The following GSK3B variants were observed in gnomAD, a reference collection of about 807,000 sequenced individuals.
GSK3B encodes glycogen synthase kinase-3 beta.
A neutral mutation model predicts 56.4 loss-of-function variants in GSK3B; 15 were observed. That is an observed-to-expected ratio of 0.27 (90% confidence interval 0.18 to 0.41). The LOEUF (loss-of-function observed/expected upper bound fraction) is 0.41, where lower values mean the gene tolerates loss of function less well. Ranked by LOEUF, GSK3B falls within the 10% of genes least tolerant of loss-of-function variation. GSK3B has a pLI of 1.00. For synonymous variants in GSK3B, 181 were observed against 188.9 expected, an observed-to-expected ratio of 0.96 and a Z score of 0.34; for missense variants, 300 against 513.4, an observed-to-expected ratio of 0.58 and a Z score of 4.02.
intron 1 of GSK3B, among the ~76,000 whole-genome samples, chr3:120,089,573 C>G (rs2058493862): frequency 6.6e-6 from 1 of 152,160 alleles, no homozygotes; most frequent in Non-Finnish European, 1.5e-5. Flanking sequence ...CTATTATTCT[C>G]TCTTTGCTAA....
intron 2 of GSK3B, among the ~76,000 whole-genome samples, chr3:119,958,699 A>G (rs1265508998): frequency 6.6e-6 from 1 of 152,224 alleles, no homozygotes; most frequent in African/African-American, 2.4e-5. Context: ...TGGAAGAAAA[A>G]AAAAGGATGG....
At chr3:120,029,537 G>C in intron 1 of GSK3B, 1 of 621,280 alleles carries the variant, frequency 1.6e-6, no homozygotes, top group Non-Finnish European at 3.1e-6. Flanking sequence ...CAGGAAGATA[G>C]GGACCATCAC....
intron 2 of GSK3B, among the ~76,000 whole-genome samples, chr3:119,952,303 C>T (rs1278423168): frequency 6.6e-6 from 1 of 151,908 alleles, no homozygotes; most frequent in African/African-American, 2.4e-5. Context: ...GCCTGGCCAA[C>T]ATGGTGAAAC....
intron 1 of GSK3B, among the ~76,000 whole-genome samples, chr3:120,012,158 T>C (rs1238178095): frequency 6.6e-6 from 1 of 152,228 alleles, no homozygotes; most frequent in East Asian, 1.9e-4. Context: ...TTGAAATTTA[T>C]ACCAAAGCAA....
chr3:119,916,304 T>C (rs2056780136), intron 4 of GSK3B, 130 bp from the exon 5 acceptor site: 2 of 677,978 alleles, frequency 2.9e-6, no homozygotes, highest in Admixed American at 2.8e-5. Context: ...GCACTCAATC[T>C]TCCTTTCACA....
intron 10 of GSK3B, among the ~76,000 whole-genome samples, chr3:119,828,906 T>C (rs928137907): frequency 6.6e-6 from 1 of 152,200 alleles, no homozygotes; most frequent in Non-Finnish European, 1.5e-5. Context: ...CAAGTGAAGA[T>C]ATTATGGCAT....
chr3:120,059,345 C>A (rs1042617254), intron 1 of GSK3B, among the ~76,000 whole-genome samples: 2 of 152,142 alleles, frequency 1.3e-5, no homozygotes, highest in Non-Finnish European at 2.9e-5. Flanking sequence ...TAGCAGAATG[C>A]CTAGCATATA....
intron 3 of GSK3B, among the ~76,000 whole-genome samples, chr3:119,936,212 T>C (rs1257904144): frequency 6.6e-6 from 1 of 151,534 alleles, no homozygotes; most frequent in Non-Finnish European, 1.5e-5. Flanking sequence ...TAAGCATTTA[T>C]CTGCATTTAT....
At chr3:119,997,599 T>C (rs927331586) in intron 2 of GSK3B, among the ~76,000 whole-genome samples, 1 of 152,190 alleles carries the variant, frequency 6.6e-6, no homozygotes, top group African/African-American at 2.4e-5. Context: ...AATCTAAAGT[T>C]TGTTTTTGTT....
chr3:119,910,106 T>G lies in GSK3B; in HGVS notation c.715+2598A>C, dbSNP rs2056720990. Among the ~76,000 whole-genome samples, 3 of 152,208 alleles carry G rather than the reference T, an allele frequency of 2.0e-5. No individual in the cohort carries two copies. The South Asian group carries it at 6.2e-4, about 31-fold the overall frequency. ...ATAAATTATCCAACTAGTATAATCA[T>G]GCTCAGAAGTATTTCAGGAGGATTT... On this transcript the variant is annotated intron_variant, in intron 6 of 10. Coordinates refer to ENST00000264235, the MANE Select transcript of GSK3B (RefSeq NM_001146156.2).
chr3:120,049,530 C>T (rs1484962734), intron 1 of GSK3B, among the ~76,000 whole-genome samples: 3 of 152,140 alleles, frequency 2.0e-5, no homozygotes, highest in Non-Finnish European at 1.5e-5. Context: ...ACATTTAAGG[C>T]AGAGGTAAAA....
chr3:119,824,182 G>A lies in GSK3B; in HGVS notation c.*2606C>T, dbSNP rs1349919490. 3 of 205,324 alleles carry A rather than the reference G, an allele frequency of 1.5e-5. No homozygotes were observed. The highest frequency in any genetic ancestry group is 3.0e-5 in the Non-Finnish European group (3 of 100,258). 12.7% of individuals were successfully genotyped at this position (205,324 alleles called of 1,614,324 possible). On this transcript the variant is annotated 3_prime_UTR_variant, in exon 11 of 11. Transcript: ENST00000264235. The stretch of plus-strand genomic sequence containing the variant: ...AAACTTAAATTTAAAAACACAGAAA[G>A]AAAATATAATGTACAAGCTTGAATT...
chr3:119,978,995 C>T (rs898478018), intron 2 of GSK3B, among the ~76,000 whole-genome samples: 2 of 152,202 alleles, frequency 1.3e-5, no homozygotes, highest in South Asian at 2.1e-4. Flanking sequence ...CTTCTTCTCA[C>T]CAGTCCACAT....
intron 3 of GSK3B, among the ~76,000 whole-genome samples, chr3:119,924,960 G>C (rs1236389958): frequency 6.6e-6 from 1 of 152,154 alleles, no homozygotes; most frequent in Non-Finnish European, 1.5e-5. Context: ...CCATGTCTAC[G>C]ACCAAAGAGC....
intron 3 of GSK3B, among the ~76,000 whole-genome samples, chr3:119,940,837 C>T (rs2057041489): frequency 6.6e-6 from 1 of 152,140 alleles, no homozygotes. Context: ...TTAAATCACT[C>T]TATGGGCAGG....
chr3:119,957,906 A>G (rs1015516893), intron 2 of GSK3B, among the ~76,000 whole-genome samples: 5 of 152,208 alleles, frequency 3.3e-5, no homozygotes, highest in African/African-American at 7.2e-5. Flanking sequence ...GAAAGAGCTT[A>G]TAATTCAAAA....
intron 3 of GSK3B, among the ~76,000 whole-genome samples, chr3:119,939,756 T>G (rs1024121405): frequency 1.3e-5 from 2 of 152,182 alleles, no homozygotes; most frequent in African/African-American, 4.8e-5. Context: ...TCCAGGTTTC[T>G]TATTTTAATA....
intron 1 of GSK3B, among the ~76,000 whole-genome samples, chr3:120,019,286 A>C (rs776948142): frequency 2.0e-5 from 3 of 152,206 alleles, no homozygotes; most frequent in Non-Finnish European, 2.9e-5. Flanking sequence ...GTTCATATAA[A>C]AATACCATAG....
chr3:119,876,729 T>C (rs750929277), intron 7 of GSK3B, among the ~76,000 whole-genome samples: 1 of 152,172 alleles, frequency 6.6e-6, no homozygotes, highest in Non-Finnish European at 1.5e-5. Context: ...GATGTTTAAA[T>C]GGTAATTAGG....
Sources: gnomAD v4.1 joint callset for allele counts (sites outside exome capture counted in the v4.1 genomes callset) on GRCh38, gnomAD v4.1.1 for gene constraint, MANE v1.5 for transcripts, NCBI Gene and HGNC (gene_info 2026-07-23, HGNC 2026-07-21) for gene names.